FANCD2OS: variants seen among roughly 807,000 people sequenced by gnomAD.
FANCD2OS encodes FANCD2 opposite strand protein.
Under a neutral mutation model 13.2 loss-of-function variants are expected in FANCD2OS, and 11 were observed. That is an observed-to-expected ratio of 0.83 (90% CI 0.52 to 1.38). The LOEUF (loss-of-function observed/expected upper bound fraction) is 1.38. Ranked by LOEUF, FANCD2OS falls within the 40% of genes most tolerant of loss-of-function variation. The probability of loss-of-function intolerance (pLI) is 0.00; values close to 1 mark genes in which losing one functional copy is unlikely to be tolerated. For synonymous variants in FANCD2OS, 69 were observed against 84.5 expected, an observed-to-expected ratio of 0.82 and a Z score of 1.01; for missense variants, 217 against 213.9, an observed-to-expected ratio of 1.01 and a Z score of -0.09.
At chr3:10,097,474 AT>A (rs1453747841) in intron 2 of FANCD2OS, among the ~76,000 whole-genome samples, 1 of 152,202 alleles carries the variant, frequency 6.6e-6, no homozygotes, top group African/African-American at 2.4e-5. Context: ...GAGAAAAAGA[AT>A]TCAGTGATAT....
chr3:10,104,695 G>T lies in FANCD2OS; in HGVS notation c.80C>A (p.Pro27His). ...FQWLRHTTPT[P>H]SSKHPFKASP... ...GGCCTTGAATGGGTGCTTGGAGGAA[G>T]GTGTAGGTGTCGTGTGCCGCAGCCA... Residue 27 changes from proline to histidine, a missense_variant, in exon 2 of 2, where the codon CCT becomes CAT. Physicochemically the swap from Pro to His is moderately conservative, Grantham distance 77 (BLOSUM62 -2). Coordinates refer to ENST00000450660, the MANE Select transcript of FANCD2OS (RefSeq NM_001164839.2). The T allele has an allele frequency of 6.2e-7, 1 of 1,613,950 alleles. No homozygotes were observed. Among genetic ancestry groups the T allele is most frequent in the Non-Finnish European group, 8.5e-7 (1 of 1,179,910 alleles).
downstream of FANCD2OS, chr3:10,103,083 T>TC (rs1695365881): frequency 6.8e-6 from 3 of 438,856 alleles, no homozygotes; most frequent in Admixed American, 5.0e-5. Context: ...GTGGTGAAAC[T>TC]CCATCTCTAC....
downstream of FANCD2OS, chr3:10,098,796 C>T (rs1695131544): frequency 6.2e-7 from 1 of 1,614,060 alleles, no homozygotes; most frequent in African/African-American, 1.3e-5. Context: ...TCCCAGGCCT[C>T]CAAGAGCAAA....
At chr3:10,088,567 G>T (rs1455261756) in intron 2 of FANCD2OS, 1 of 1,462,330 alleles carries the variant, frequency 6.8e-7, no homozygotes, top group South Asian at 1.1e-5. Context: ...TTCTTCCAAT[G>T]AGCCAAATAG....
chr3:10,091,475 A>G (rs1164852559), intron 2 of FANCD2OS, among the ~76,000 whole-genome samples: 1 of 151,664 alleles, frequency 6.6e-6, no homozygotes, highest in Non-Finnish European at 1.5e-5. Context: ...CTGTCTCAAA[A>G]AGAAAAAAAA....
intron 2 of FANCD2OS, among the ~76,000 whole-genome samples, chr3:10,095,568 T>C (rs1377426849): frequency 6.6e-6 from 1 of 152,192 alleles, no homozygotes; most frequent in Non-Finnish European, 1.5e-5. Context: ...GTCCTCTAGG[T>C]AACAGGACTG....
chr3:10,098,992 A>G (rs375632206), downstream of FANCD2OS: 434 of 1,613,808 alleles, frequency 2.7e-4, no homozygotes, highest in Non-Finnish European at 3.5e-4. Flanking sequence ...CAGAAGAAAC[A>G]ACGACACAAT....
intron 2 of FANCD2OS, among the ~76,000 whole-genome samples, chr3:10,093,841 T>C (rs1459265291): frequency 6.6e-6 from 1 of 152,238 alleles, no homozygotes; most frequent in Non-Finnish European, 1.5e-5. Flanking sequence ...TCTTGTCATC[T>C]CCTGGTCACT....
At chr3:10,103,224 G>A (rs1695371450), downstream of FANCD2OS, 1 of 307,736 alleles carries the variant, frequency 3.2e-6, no homozygotes, top group Admixed American at 4.3e-5. Flanking sequence ...CCAGCCTGGA[G>A]AAACCCTGTC....
At chr3:10,099,391 G>C (rs982889780), downstream of FANCD2OS, 7 of 1,077,394 alleles carry the variant, frequency 6.5e-6, no homozygotes, top group Admixed American at 2.4e-4. Flanking sequence ...TTGAGGCCAA[G>C]GTAGGAGGAT....
chr3:10,105,761 A>T lies in FANCD2OS; in HGVS notation c.-8-979T>A, dbSNP rs1695453390. Among the ~76,000 whole-genome samples, 8 of 68,864 alleles carry T rather than the reference A, an allele frequency of 1.2e-4. 1 individual carries two copies. Among genetic ancestry groups the T allele is most frequent in the African/African-American group, 9.9e-4 (7 of 7,104 alleles). The allele number at this position is 68,864 out of a possible 152,430, so 45.2% of individuals were successfully genotyped here. A position where few individuals can be genotyped will look rare whatever the true frequency, so the allele number is the denominator to read the frequency against. Reference sequence around the variant, plus strand: ...GCAAGACTCCATCTAAAAAAAAAAAAAAAAAAAAAATTATATATATATATA... The same window carrying T: ...GCAAGACTCCATCTAAAAAAAAAAATAAAAAAAAAATTATATATATATATA... On this transcript the variant is annotated intron_variant, in intron 1 of 1. Coordinates refer to ENST00000450660, the MANE Select transcript of FANCD2OS (RefSeq NM_001164839.2).
Position 10,081,323 on chromosome 3 carries a change from C to A in FANCD2OS, c.*252G>T, listed in dbSNP as rs763296605. 7 of 1,611,140 alleles carry A rather than the reference C, an allele frequency of 4.3e-6. No homozygotes were observed. The East Asian group carries it at 1.6e-4, about 36-fold the overall frequency. On this transcript the variant is annotated 3_prime_UTR_variant, in exon 3 of 3. Transcript: ENST00000524279. ...TGAGGACAATTACTGAAGCAACTGT[C>A]CTAAAATCATTTTTATTTTTAGTGT...
In FANCD2OS at chr3:10,104,622, G is replaced by A. The variant is rs760889551; in HGVS notation, c.153C>T (p.Cys51=). The change falls in exon 2 of 2, where the codon TGC becomes TGT. Residue 51 remains cysteine, a synonymous_variant. Transcript: ENST00000450660. The part of the protein sequence containing the change: ...HTPSDLEVQL[C]FQEVTLVLDS... ...CTAGGACTAGAGTGACCTCTTGAAAGCACAGCTGCACTTCAAGGTCGGACG... is the reference window on the plus strand; with the variant it reads ...CTAGGACTAGAGTGACCTCTTGAAAACACAGCTGCACTTCAAGGTCGGACG... 12 of 1,614,052 alleles carry A rather than the reference G, an allele frequency of 7.4e-6. No individual in the cohort carries two copies. In the South Asian group the frequency reaches 8.8e-5, roughly 12 times the overall value.
At chr3:10,095,045 A>G (rs1375727575) in intron 2 of FANCD2OS, among the ~76,000 whole-genome samples, 5 of 152,242 alleles carry the variant, frequency 3.3e-5, no homozygotes, top group African/African-American at 1.2e-4. Flanking sequence ...GGTAGCTGCT[A>G]TTCCTCCTAT....
intron 2 of FANCD2OS, chr3:10,088,496 AAAGAG>A: frequency 6.2e-7 from 1 of 1,612,990 alleles, no homozygotes; most frequent in South Asian, 1.1e-5. Flanking sequence ...AAGTGGGGAT[AAAGAG>A]AAGAGCAACA....
intron 2 of FANCD2OS, among the ~76,000 whole-genome samples, chr3:10,091,499 T>C (rs1486680557): frequency 6.6e-6 from 1 of 151,802 alleles, no homozygotes; most frequent in Non-Finnish European, 1.5e-5. Context: ...AAAAAACATA[T>C]ACCGGCTGTA....
rs751157372 is a variant in FANCD2OS at position 10,096,285 on chromosome 3, G to T, written c.*43+7913C>A. ...TCTATAAGAAATGTGAAGGCATGAT[G>T]ATAAACTCACAAAAGATGGATGTTA... is the stretch of plus-strand genomic sequence containing the variant. On this transcript the variant is annotated intron_variant, in intron 2 of 2. Transcript: ENST00000524279. The T allele has an allele frequency of 3.7e-6, 6 of 1,608,800 alleles. No individual in the cohort carries two copies. The African/African-American group carries it at 5.3e-5, about 14-fold the overall frequency.
intron 2 of FANCD2OS, chr3:10,096,531 G>A (rs1694977415): frequency 6.5e-7 from 1 of 1,546,906 alleles, no homozygotes. Flanking sequence ...GACAGCATCA[G>A]ATGGCATGTA....
intron 2 of FANCD2OS, chr3:10,095,159 C>G (rs373795013): frequency 1.1e-5 from 17 of 1,499,360 alleles, no homozygotes; most frequent in Non-Finnish European, 1.6e-5. Context: ...AAAATGAAAT[C>G]AGGACATTTC....
Sources: gnomAD v4.1 joint callset for allele counts (sites outside exome capture counted in the v4.1 genomes callset) on GRCh38, gnomAD v4.1.1 for gene constraint, MANE v1.5 for transcripts, NCBI Gene and HGNC (gene_info 2026-07-23, HGNC 2026-07-21) for gene names.